RIMBP2: variants seen among roughly 807,000 people sequenced by gnomAD.
RIMBP2 encodes RIMS-binding protein 2.
In RIMBP2, 48 loss-of-function variants were observed where a neutral mutation model predicts 118.6. That is an observed-to-expected ratio of 0.40 (90% CI 0.32 to 0.51). The LOEUF is 0.51. RIMBP2 is among the 20% of genes least tolerant of loss of function. The probability of loss-of-function intolerance (pLI) is 0.41; values close to 1 mark genes in which losing one functional copy is unlikely to be tolerated. For synonymous variants in RIMBP2, 762 were observed against 742.9 expected, an observed-to-expected ratio of 1.03 and a Z score of -0.42; for missense variants, 1,551 against 1,768.3, an observed-to-expected ratio of 0.88 and a Z score of 2.20.
chr12:130,495,309 G>A (rs552521830), intron 4 of RIMBP2, among the ~76,000 whole-genome samples: 9 of 152,290 alleles, frequency 5.9e-5, no homozygotes, highest in Admixed American at 1.3e-4. Context: ...CATCAGCCAC[G>A]CTGGTACATG....
intron 1 of RIMBP2, among the ~76,000 whole-genome samples, chr12:130,690,878 C>T (rs1357097251): frequency 2.0e-5 from 3 of 152,156 alleles, no homozygotes; most frequent in Admixed American, 2.0e-4. Context: ...ATCTTCCTCT[C>T]GCTCCCCAGT....
rs1274870084 is a variant in RIMBP2, at chr12:130,649,003, C to A, written c.-351-20547G>T. Among the ~76,000 whole-genome samples the A allele has an allele frequency of 1.4e-5, 2 of 145,580 alleles. 1 individual carries two copies. Among genetic ancestry groups the A allele is most frequent in the Non-Finnish European group, 3.1e-5 (2 of 64,254 alleles). On this transcript the variant is annotated intron_variant, in intron 1 of 22. Coordinates refer to ENST00000690449, the MANE Select transcript of RIMBP2 (RefSeq NM_001393629.1). ...CACCACGGGTTAAATACTGTGGGCC[C>A]TGAACACCATTTTCATGTGGATTCC...
At chr12:130,592,095 G>T (rs1002727470) in intron 2 of RIMBP2, among the ~76,000 whole-genome samples, 1 of 152,186 alleles carries the variant, frequency 6.6e-6, no homozygotes, top group Non-Finnish European at 1.5e-5. Context: ...CCTCCCGAGA[G>T]GTAAGAAACG....
rs772529593 is a variant in RIMBP2 at position 130,422,353 on chromosome 12, C to T, written c.3238+100G>A. 27 of 698,110 alleles carry T rather than the reference C, an allele frequency of 3.9e-5. No individual in the cohort carries two copies. Among genetic ancestry groups the T allele is most frequent in the Middle Eastern group, 4.1e-4 (1 of 2,430 alleles). The allele number at this position is 698,110 out of a possible 1,614,324, so 43.2% of individuals were successfully genotyped here. ...ATGAATAACAGTGTTCTTTGCTTAG[C>T]GGAAAATGCTACTCCTAAAGTTTTG... On this transcript the variant is annotated intron_variant, in intron 17 of 22. Transcript: ENST00000690449. This position sits in a 1 kb window ranked among gnomAD's most constrained non-coding sequence, Gnocchi z 5.2.
Position 130,406,239 on chromosome 12 carries a change from T to G in RIMBP2, c.3698A>C (p.Glu1233Ala). Residue 1233 changes from glutamate to alanine, a missense_variant, in exon 21 of 23, where the codon GAA becomes GCA. Physicochemically the swap from Glu to Ala is moderately radical, Grantham distance 107 (BLOSUM62 -1). This residue lies in a region of RIMBP2 where 1,038 missense variants were observed against 1,125.1 expected (regional missense o/e 0.92). Transcript: ENST00000690449. ...ESSPNVDVEA[E>A]LTFCTGDIIT... ...AATATCTCCTGTGCAAAATGTAAGT[T>G]CGGCCTGTGGAGATGAAACATAAAA... 1 of 1,601,780 alleles carries G rather than the reference T, an allele frequency of 6.2e-7. No homozygotes were observed. Among genetic ancestry groups the G allele is most frequent in the Non-Finnish European group, 8.5e-7 (1 of 1,171,538 alleles).
chr12:130,409,257 A>C (rs1043860017), intron 19 of RIMBP2, among the ~76,000 whole-genome samples: 1 of 148,504 alleles, frequency 6.7e-6, no homozygotes, highest in Admixed American at 6.7e-5. Flanking sequence ...AGCCCAGATG[A>C]CCACAGATCT....
chr12:130,538,397 T>G (rs937970246), intron 2 of RIMBP2, among the ~76,000 whole-genome samples: 4 of 152,042 alleles, frequency 2.6e-5, no homozygotes, highest in Non-Finnish European at 5.9e-5. Flanking sequence ...CTGCCCTTAC[T>G]CATTTCTGGG....
chr12:130,702,332 T>G (rs1593037967), intron 1 of RIMBP2, among the ~76,000 whole-genome samples: 1 of 151,834 alleles, frequency 6.6e-6, no homozygotes, highest in East Asian at 1.9e-4. Context: ...GCCCGATCAA[T>G]ATGGAGAAAC....
intron 1 of RIMBP2, among the ~76,000 whole-genome samples, chr12:130,691,393 C>T (rs1159899043): frequency 2.6e-5 from 4 of 152,124 alleles, no homozygotes; most frequent in African/African-American, 9.7e-5. Flanking sequence ...ACACAGGCTG[C>T]GTGTGGTGGC....
At position 130,442,111 on chromosome 12, in the gene RIMBP2, A is replaced by G; in HGVS notation, c.1241T>C (p.Leu414Pro). The part of the protein sequence containing the change: ...GKDVVVAPSH[L>P]RVDNITQISA... ...GATCTGCGTGATGTTGTCCACCCGC[A>G]GGTGGGAGGGGGCCACCACCACGTC... Residue 414 changes from leucine (L) to proline (P), a missense_variant, in exon 11 of 23, where the codon CTG (leucine) becomes CCG (proline). Physicochemically the swap from Leu to Pro is moderately conservative, Grantham distance 98. Coordinates refer to ENST00000690449, the MANE Select transcript of RIMBP2 (RefSeq NM_001393629.1). The surrounding 1 kb of genome is among the most constrained non-coding windows in gnomAD (Gnocchi z 6.9). 6.2e-7 allele frequency: 1 copy of G among 1,614,164 alleles called. No individual in the cohort carries two copies. The highest frequency in any genetic ancestry group is 8.5e-7 in the Non-Finnish European group (1 of 1,180,032).
Position 130,688,374 on chromosome 12 carries a change from G to C in RIMBP2, c.-352+27848C>G, listed in dbSNP as rs2171420. Among the ~76,000 whole-genome samples the C allele has an allele frequency of 0.015, 2,279 of 152,276 alleles. 67 individuals are homozygous for C. The highest frequency in any genetic ancestry group is 0.08 in the Admixed American group (1,231 of 15,300). ...CTCAGGGAGCCACAGGAACACTCTA[G>C]AACACTCTGGAACACTCTGGGGCCA... On this transcript the variant is annotated intron_variant, in intron 1 of 22. Coordinates refer to ENST00000690449, the MANE Select transcript of RIMBP2 (RefSeq NM_001393629.1). This position sits in a 1 kb window ranked among gnomAD's most constrained non-coding sequence, Gnocchi z 4.7.
intron 4 of RIMBP2, among the ~76,000 whole-genome samples, chr12:130,496,950 T>A (rs2049229584): frequency 6.6e-6 from 1 of 152,160 alleles, no homozygotes; most frequent in Admixed American, 6.6e-5. Context: ...TCTCATGCCC[T>A]GGAGGCCGGA....
chr12:130,539,559 T>C (rs1241170617), intron 2 of RIMBP2, among the ~76,000 whole-genome samples: 2 of 146,568 alleles, frequency 1.4e-5, no homozygotes, highest in Non-Finnish European at 3.1e-5. Context: ...GTGTAGGATA[T>C]GGCAAATGCA....
At chr12:130,642,951 C>G (rs2062689872) in intron 1 of RIMBP2, among the ~76,000 whole-genome samples, 1 of 152,182 alleles carries the variant, frequency 6.6e-6, no homozygotes, top group African/African-American at 2.4e-5. Flanking sequence ...GGAGCGCCAT[C>G]AATTCTTTCC....
intron 1 of RIMBP2, among the ~76,000 whole-genome samples, chr12:130,656,828 G>A (rs1472486430): frequency 3.4e-5 from 5 of 147,778 alleles, no homozygotes; most frequent in Non-Finnish European, 7.4e-5. Flanking sequence ...AGGATGGTTT[G>A]AGCCTGGGGG....
rs541566107 is a variant in RIMBP2, at chr12:130,636,888, A to G, written c.-351-8432T>C. 4.6e-5 allele frequency among the ~76,000 whole-genome samples: 7 copies of G among 152,332 alleles called. No individual in the cohort carries two copies. In the South Asian group the frequency reaches 1.0e-3, roughly 23 times the overall value. The stretch of plus-strand genomic sequence containing the variant: ...TCCCTTTTAGGACTAAGTCAATATA[A>G]TTAGGTTTTCTGCCACTTTTAGTAA... On this transcript the variant is annotated intron_variant, in intron 1 of 22. Coordinates refer to ENST00000690449, the MANE Select transcript of RIMBP2 (RefSeq NM_001393629.1).
chr12:130,498,335 G>A (rs55762517), intron 4 of RIMBP2, among the ~76,000 whole-genome samples: 20,606 of 152,236 alleles, frequency 0.14, 1,530 homozygotes, highest in South Asian at 0.24. Context: ...CACTTGCTCC[G>A]TTACTAATTC....
chr12:130,487,358 C>A (rs1218829892), intron 4 of RIMBP2, among the ~76,000 whole-genome samples: 2 of 152,162 alleles, frequency 1.3e-5, no homozygotes, highest in Non-Finnish European at 2.9e-5. Context: ...TTGGTGCCCT[C>A]CCCATAGCGA....
chr12:130,695,522 G>A (rs562073324), intron 1 of RIMBP2, among the ~76,000 whole-genome samples: 16 of 152,294 alleles, frequency 1.1e-4, no homozygotes, highest in East Asian at 9.6e-4. Context: ...TGGGAGGTTC[G>A]CTCGAGTCCA....
Sources: gnomAD v4.1 joint callset for allele counts (sites outside exome capture counted in the v4.1 genomes callset) on GRCh38, gnomAD v4.1.1 for gene constraint, gnomAD v4.1.1 regional missense constraint, Gnocchi (gnomAD v3.1) non-coding constraint, MANE v1.5 for transcripts, NCBI Gene and HGNC (gene_info 2026-07-23, HGNC 2026-07-21) for gene names.